RABEP1: variants seen among roughly 807,000 people sequenced by gnomAD.
RABEP1 encodes the protein rabaptin, RAB GTPase binding effector protein 1.
A neutral mutation model predicts 123.4 loss-of-function variants in RABEP1; 51 were observed. The observed-to-expected ratio is 0.41, with a 90% CI of 0.33 to 0.52. The LOEUF is 0.52. Ranked by LOEUF, RABEP1 falls within the 20% of genes least tolerant of loss-of-function variation. The probability of loss-of-function intolerance (pLI) is 0.16; values close to 1 mark genes in which losing one functional copy is unlikely to be tolerated. For missense variants in RABEP1, 888 were observed against 996.3 expected, an observed-to-expected ratio of 0.89 and a Z score of 1.46; for synonymous variants, 347 against 355.2, an observed-to-expected ratio of 0.98 and a Z score of 0.26.
At chr17:5,329,686 C>T (rs1333897317) in intron 2 of RABEP1, among the ~76,000 whole-genome samples, 1 of 151,910 alleles carries the variant, frequency 6.6e-6, no homozygotes, top group Non-Finnish European at 1.5e-5. Flanking sequence ...AATGTTAGAA[C>T]TCCTACTGTT....
At chr17:5,378,620 T>C (rs1486528314) in intron 15 of RABEP1, 4 of 258,984 alleles carry the variant, frequency 1.5e-5, no homozygotes, top group African/African-American at 2.3e-5. Flanking sequence ...GTTCCTTTCA[T>C]AGTAACCCCA....
chr17:5,362,388 T>A (rs1374353278), intron 9 of RABEP1, among the ~76,000 whole-genome samples: 1 of 152,224 alleles, frequency 6.6e-6, no homozygotes, highest in African/African-American at 2.4e-5. Flanking sequence ...TCGCAAAACC[T>A]GACTCCTGGT....
chr17:5,359,078 CT>C (rs112132875), intron 8 of RABEP1, among the ~76,000 whole-genome samples: 105 of 143,664 alleles, frequency 7.3e-4, no homozygotes, highest in Non-Finnish European at 7.2e-4. Context: ...CTGATGTTTT[CT>C]TTTTTTTTTT....
At chr17:5,338,731 T>C (rs899645133) in intron 5 of RABEP1, among the ~76,000 whole-genome samples, 2 of 152,226 alleles carry the variant, frequency 1.3e-5, no homozygotes, top group African/African-American at 4.8e-5. Context: ...CTCATTCATT[T>C]TCCTATTAAG....
chr17:5,326,072 G>A (rs1452022231), intron 2 of RABEP1, among the ~76,000 whole-genome samples: 1 of 152,128 alleles, frequency 6.6e-6, no homozygotes, highest in Non-Finnish European at 1.5e-5. Context: ...AGCCACTTTG[G>A]GATGTAAGTT....
chr17:5,337,714 A>G (rs184210030), intron 4 of RABEP1, among the ~76,000 whole-genome samples: 108 of 152,268 alleles, frequency 7.1e-4, no homozygotes, highest in African/African-American at 2.6e-3. Context: ...TTTATTTATT[A>G]TGTGTATTTC....
At chr17:5,362,756 A>G (rs1909664488) in intron 9 of RABEP1, among the ~76,000 whole-genome samples, 156 bp from the exon 10 acceptor site, 1 of 152,128 alleles carries the variant, frequency 6.6e-6, no homozygotes, top group Non-Finnish European at 1.5e-5. Context: ...ATTTTTTAGA[A>G]TCTGACCCTA....
chr17:5,286,459 A>C (rs916648058), intron 1 of RABEP1, among the ~76,000 whole-genome samples: 2 of 152,052 alleles, frequency 1.3e-5, no homozygotes, highest in Non-Finnish European at 2.9e-5. Context: ...GTGCCACTGC[A>C]CTCCAGCCTG....
intron 1 of RABEP1, among the ~76,000 whole-genome samples, chr17:5,302,218 A>C (rs1232900124): frequency 6.7e-6 from 1 of 148,504 alleles, no homozygotes; most frequent in Non-Finnish European, 1.5e-5. Flanking sequence ...CTAAGGGAGC[A>C]GATTTAGGGG....
intron 5 of RABEP1, among the ~76,000 whole-genome samples, chr17:5,345,856 C>T (rs1023563757): frequency 1.3e-5 from 2 of 152,008 alleles, no homozygotes; most frequent in Non-Finnish European, 1.5e-5. Context: ...TTAGATATAA[C>T]CATTTGAAAA....
At chr17:5,380,668 C>T (rs1054239631) in intron 16 of RABEP1, 10 of 567,616 alleles carry the variant, frequency 1.8e-5, no homozygotes, top group South Asian at 5.1e-5. Context: ...TGGAGGCCTG[C>T]GTCATAGGCT....
In RABEP1 at chr17:5,373,412, A is replaced by G. The variant is rs768069312; in HGVS notation, c.1983A>G (p.Ser661=). The change falls in exon 13 of 18, where the codon TCA becomes TCG. Residue 661 remains serine, a synonymous_variant. Coordinates refer to ENST00000537505, the MANE Select transcript of RABEP1 (RefSeq NM_004703.6). Reference sequence around the variant, plus strand: ...AGGGAAAGCACAGCCTGCATGTGTCATTACAGCAAGCAGAAGACTTCATCC... The same window carrying G: ...AGGGAAAGCACAGCCTGCATGTGTCGTTACAGCAAGCAGAAGACTTCATCC... ...SLQGKHSLHV[S]LQQAEDFILP... 10 of 1,613,204 alleles carry G rather than the reference A, an allele frequency of 6.2e-6. No individual in the cohort carries two copies. In the Admixed American group the frequency reaches 1.5e-4, roughly 24 times the overall value.
At chr17:5,376,163 C>G (rs1567553895) in intron 13 of RABEP1, among the ~76,000 whole-genome samples, 1 of 151,972 alleles carries the variant, frequency 6.6e-6, no homozygotes, top group Admixed American at 6.6e-5. Flanking sequence ...TTAAAATGTT[C>G]CAAGAATCCA....
intron 9 of RABEP1, 126 bp downstream of exon 9, chr17:5,361,801 A>T: frequency 1.3e-6 from 1 of 765,416 alleles, no homozygotes; most frequent in South Asian, 1.9e-5. Context: ...CAGCAAGTGG[A>T]TATTAACGTG....
At chr17:5,378,061 AACCCATGTTCAGC>A in intron 14 of RABEP1, 103 bp from the exon 15 acceptor site, 1 of 728,650 alleles carries the variant, frequency 1.4e-6, no homozygotes, top group South Asian at 1.9e-5. Flanking sequence ...CAGCCCCCGG[AACCCATGTTCAGC>A]ATACATTTGA....
At chr17:5,351,031 A>C (rs991748435) in intron 7 of RABEP1, among the ~76,000 whole-genome samples, 1 of 152,058 alleles carries the variant, frequency 6.6e-6, no homozygotes, top group Non-Finnish European at 1.5e-5. Context: ...TTTTTTTTGC[A>C]ATCTTTTTTG....
chr17:5,338,308 TCCCAG>T (rs1185270478), intron 5 of RABEP1, 170 bp downstream of exon 5: 1 of 797,666 alleles, frequency 1.3e-6, no homozygotes, highest in Non-Finnish European at 1.8e-6. Flanking sequence ...ACGCCTGTAA[TCCCAG>T]CACTTTGGGA....
intron 17 of RABEP1, among the ~76,000 whole-genome samples, chr17:5,382,436 C>T (rs1003172438): frequency 6.6e-6 from 1 of 151,466 alleles, no homozygotes; most frequent in Non-Finnish European, 1.5e-5. Flanking sequence ...CTCCATAATC[C>T]CAACACATTA....
rs1404406863 is a variant in RABEP1 at position 5,361,303 on chromosome 17, G to A, written c.1191G>A (p.Met397Ile). The part of the protein sequence containing the change: ...GDPFSKSDND[M>I]FKDGLRRAQS... The stretch of plus-strand genomic sequence containing the variant: ...CTTTCAGTAAATCGGACAATGACAT[G>A]TTTAAAGATGGACTCAGGAGAGCAC... The change falls in exon 9 of 18, where the codon ATG becomes ATA. Residue 397 changes from methionine to isoleucine, a missense_variant. Coordinates refer to ENST00000537505, the MANE Select transcript of RABEP1 (RefSeq NM_004703.6). 1 of 1,614,066 alleles carries A rather than the reference G, an allele frequency of 6.2e-7. No homozygotes were observed. Among genetic ancestry groups the A allele is most frequent in the East Asian group, 2.2e-5 (1 of 44,898 alleles).
Sources: gnomAD v4.1 joint callset for allele counts (sites outside exome capture counted in the v4.1 genomes callset) on GRCh38, gnomAD v4.1.1 for gene constraint, MANE v1.5 for transcripts, NCBI Gene and HGNC (gene_info 2026-07-23, HGNC 2026-07-21) for gene names.